Variants in RSPH4A observed in about 807,000 individuals in gnomAD.
RSPH4A encodes the protein radial spoke head protein 4 homolog A.
A neutral mutation model predicts 71.0 loss-of-function variants in RSPH4A; 47 were observed. The ratio of observed to expected loss-of-function variants is 0.66; its 90% CI spans 0.52 to 0.84. The LOEUF is 0.84. RSPH4A is among the 40% of genes least tolerant of loss of function. The pLI is 0.00. For synonymous variants in RSPH4A, 282 were observed against 302.3 expected (o/e 0.93, Z 0.70); for missense variants, 793 against 855.2 (o/e 0.93, Z 0.91).
chr6:116,618,181 C>T (rs1389836683), intron 1 of RSPH4A, among the ~76,000 whole-genome samples: 1 of 152,196 alleles, frequency 6.6e-6, no homozygotes, highest in East Asian at 1.9e-4. Flanking sequence ...ATGGCTGTTC[C>T]CTCTGCCCAG....
rs1775776905 is a variant in RSPH4A, at chr6:116,630,485, C to G, written c.1849C>G (p.Pro617Ala). The G allele has an allele frequency of 1.2e-6, 2 of 1,611,910 alleles. No homozygotes were observed. Among genetic ancestry groups the G allele is most frequent in the Non-Finnish European group, 1.7e-6 (2 of 1,178,102 alleles). ...AACACGGTTATCCTCAAATCTCATTCCACAATATGCTATTGCAGTCCTTCA... is the reference window on the plus strand; with the variant it reads ...AACACGGTTATCCTCAAATCTCATTGCACAATATGCTATTGCAGTCCTTCA... ...WTTRLSSNLIPQYAIAVLQSN... is the reference protein window; with the variant it reads ...WTTRLSSNLIAQYAIAVLQSN... The change falls in exon 5 of 6, where the codon CCA becomes GCA. Residue 617 changes from proline (P) to alanine (A), a missense_variant. Physicochemically the swap from Pro to Ala is conservative, Grantham distance 27. Coordinates refer to ENST00000229554, the MANE Select transcript of RSPH4A (RefSeq NM_001010892.3).
intron 1 of RSPH4A, among the ~76,000 whole-genome samples, chr6:116,619,781 C>T (rs1350818176): frequency 3.9e-5 from 6 of 152,086 alleles, no homozygotes; most frequent in African/African-American, 1.4e-4. Flanking sequence ...TTCAGTAGCA[C>T]GATCTCGGCT....
Position 116,616,523 on chromosome 6 carries a change from A to T in RSPH4A, c.-101A>T, listed in dbSNP as rs1477510319. ...ACTCACAGAGCAACCAGGACCCAGAAATCGCTTAAGAGACCGCGGCAAAGT... is the reference window on the plus strand; with the variant it reads ...ACTCACAGAGCAACCAGGACCCAGATATCGCTTAAGAGACCGCGGCAAAGT... On this transcript the variant is annotated 5_prime_UTR_variant, in exon 1 of 6. Transcript: ENST00000229554. 1.3e-5 allele frequency: 13 copies of T among 1,034,628 alleles called. No individual in the cohort carries two copies. Among genetic ancestry groups the T allele is most frequent in the Non-Finnish European group, 1.9e-5 (13 of 679,768 alleles). The allele number at this position is 1,034,628 out of a possible 1,614,324, so 64.1% of individuals were successfully genotyped here.
In RSPH4A at chr6:116,632,880, G is replaced by T. The variant is rs1775830306; in HGVS notation, c.*439G>T. 5.0e-6 allele frequency: 1 copy of T among 198,936 alleles called. No individual in the cohort carries two copies. Among genetic ancestry groups the T allele is most frequent in the African/African-American group, 2.4e-5 (1 of 42,250 alleles). The allele number at this position is 198,936 out of a possible 1,614,324, so 12.3% of individuals were successfully genotyped here. The stretch of plus-strand genomic sequence containing the variant: ...GAAACATCAATACTTTTTAAAGAGT[G>T]TCAAGGGGTATGAAGACAAAAAATA... On this transcript the variant is annotated 3_prime_UTR_variant, in exon 6 of 6. Coordinates refer to ENST00000229554, the MANE Select transcript of RSPH4A (RefSeq NM_001010892.3).
Position 116,627,694 on chromosome 6 carries a change from G to A in RSPH4A, c.987G>A (p.Leu329=). Reference sequence around the variant, plus strand: ...ATTTTGAACAAGCTGGAGTTGGTTTGGGCACAGATGAGACATACCGCATAT... The same window carrying A: ...ATTTTGAACAAGCTGGAGTTGGTTTAGGCACAGATGAGACATACCGCATAT... The part of the protein sequence containing the change: ...AFYFEQAGVG[L]GTDETYRIFL... The change falls in exon 3 of 6, where the codon TTG becomes TTA. Residue 329 remains leucine (L), a synonymous_variant. Coordinates refer to ENST00000229554, the MANE Select transcript of RSPH4A (RefSeq NM_001010892.3). 1 of 1,614,176 alleles carries A rather than the reference G, an allele frequency of 6.2e-7. No homozygotes were observed. The highest frequency in any genetic ancestry group is 8.5e-7 in the Non-Finnish European group (1 of 1,180,026).
At position 116,630,406 on chromosome 6, in the gene RSPH4A, A is replaced by C. The variant is rs771208573; in HGVS notation, c.1799-29A>C. 9.4e-6 allele frequency: 11 copies of C among 1,167,782 alleles called. No individual in the cohort carries two copies. The Admixed American group carries it at 1.7e-4, about 18-fold the overall frequency. 72.3% of individuals were successfully genotyped at this position (1,167,782 alleles called of 1,614,324 possible). A position where few individuals can be genotyped will look rare whatever the true frequency, so the allele number is the denominator to read the frequency against. On this transcript the variant is annotated intron_variant, in intron 4 of 5. Transcript: ENST00000229554. ...GTAGATTCTTGTCTAGTTAGGAATTAAGCTTTTGCATTTCTCTTTGGGTTC... is the reference window on the plus strand; with the variant it reads ...GTAGATTCTTGTCTAGTTAGGAATTCAGCTTTTGCATTTCTCTTTGGGTTC...
chr6:116,625,330 A>G (rs1775677197), intron 2 of RSPH4A, among the ~76,000 whole-genome samples: 2 of 152,216 alleles, frequency 1.3e-5, no homozygotes, highest in East Asian at 3.8e-4. Flanking sequence ...AGAAAAAGGA[A>G]CAATAAAATA....
chr6:116,623,982 GCTATT>G (rs1391613010), intron 2 of RSPH4A, among the ~76,000 whole-genome samples: 2 of 152,064 alleles, frequency 1.3e-5, no homozygotes. Flanking sequence ...AATAGTATTG[GCTATT>G]CTGTTTCCTA....
At chr6:116,623,369 AGCTACT>A (rs570275307) in intron 2 of RSPH4A, among the ~76,000 whole-genome samples, 175 of 152,294 alleles carry the variant, frequency 1.1e-3, no homozygotes, top group African/African-American at 4.1e-3. Context: ...TACAGGCGTG[AGCTACT>A]GCACCTGGCC....
In RSPH4A at chr6:116,623,061, C is replaced by T. The variant is rs1489898411; in HGVS notation, c.921+59C>T. 4 of 1,060,720 alleles carry T rather than the reference C, an allele frequency of 3.8e-6. No individual in the cohort carries two copies. In the African/African-American group the frequency reaches 4.7e-5, roughly 13 times the overall value. 65.7% of individuals were successfully genotyped at this position (1,060,720 alleles called of 1,614,324 possible). Reference sequence around the variant, plus strand: ...TTAGGATTTTATTTGGGACGAATGGCTGTGGCTTTAAATTCATACCAACTG... The same window carrying T: ...TTAGGATTTTATTTGGGACGAATGGTTGTGGCTTTAAATTCATACCAACTG... On this transcript the variant is annotated intron_variant, in intron 2 of 5. Transcript: ENST00000229554.
chr6:116,632,036 C>G (rs1452283716), intron 5 of RSPH4A, among the ~76,000 whole-genome samples, 171 bp from the exon 6 acceptor site: 1 of 151,674 alleles, frequency 6.6e-6, no homozygotes, highest in Non-Finnish European at 1.5e-5. Context: ...GAAAACAATT[C>G]CCTGTGGTAG....
chr6:116,628,026 C>A lies in RSPH4A; in HGVS notation c.1319C>A (p.Pro440Gln), dbSNP rs759474274. The change falls in exon 3 of 6, where the codon CCA becomes CAA. Residue 440 changes from proline (P) to glutamine (Q), a missense_variant. Coordinates refer to ENST00000229554, the MANE Select transcript of RSPH4A (RefSeq NM_001010892.3). Reference sequence around the variant, plus strand: ...TTTGTTTGCAATGAACCAGGAAGACCATGGGTGAAGTTACCACCAGTTATA... The same window carrying A: ...TTTGTTTGCAATGAACCAGGAAGACAATGGGTGAAGTTACCACCAGTTATA... ...VYFVCNEPGR[P>Q]WVKLPPVIPA... is the part of the protein sequence containing the mutation. 7.4e-6 allele frequency: 12 copies of A among 1,614,026 alleles called. No homozygotes were observed. The highest frequency in any genetic ancestry group is 4.2e-6 in the Non-Finnish European group (5 of 1,180,016).
Position 116,627,618 on chromosome 6 carries a change from T to G in RSPH4A, c.922-11T>G, listed in dbSNP as rs758250404. 34 of 1,605,572 alleles carry G rather than the reference T, an allele frequency of 2.1e-5. No individual in the cohort carries two copies. Among genetic ancestry groups the G allele is most frequent in the Non-Finnish European group, 2.9e-5 (34 of 1,172,316 alleles). The stretch of plus-strand genomic sequence containing the variant: ...ATTGATAAATTTTAACCACAGCATT[T>G]GTTTCCCCAGGCAGAAAACGCTCTT... On this transcript the variant is annotated splice_polypyrimidine_tract_variant and intron_variant, in intron 2 of 5. Coordinates refer to ENST00000229554, the MANE Select transcript of RSPH4A (RefSeq NM_001010892.3).
At position 116,628,423 on chromosome 6, in the gene RSPH4A, A is replaced by G. The variant is rs910181959; in HGVS notation, c.1662+54A>G. On this transcript the variant is annotated intron_variant, in intron 3 of 5. Transcript: ENST00000229554. ...AGGTAATTAGGCAAATATTCATTAA[A>G]TGGTCACTATAATGCACAAAGACAT... 136 of 1,360,092 alleles carry G rather than the reference A, an allele frequency of 1.0e-4. 2 individuals carry two copies. In the Middle Eastern group the frequency reaches 2.0e-3, roughly 20 times the overall value. The allele number at this position is 1,360,092 out of a possible 1,614,324, so 84.3% of individuals were successfully genotyped here. A position where few individuals can be genotyped will look rare whatever the true frequency, so the allele number is the denominator to read the frequency against.
At chr6:116,623,981 G>A (rs1284438365) in intron 2 of RSPH4A, among the ~76,000 whole-genome samples, 2 of 152,054 alleles carry the variant, frequency 1.3e-5, no homozygotes, top group Non-Finnish European at 2.9e-5. Context: ...AAATAGTATT[G>A]GCTATTCTGT....
At chr6:116,630,667 G>GTTTTTTT (rs11459167) in intron 5 of RSPH4A, 115 bp downstream of exon 5, 56 of 251,584 alleles carry the variant, frequency 2.2e-4, no homozygotes, top group African/African-American at 7.3e-4. Flanking sequence ...TTTTTTTCGT[G>GTTTTTTT]TTTTTTTTTT....
chr6:116,631,067 A>C (rs564479810), intron 5 of RSPH4A, among the ~76,000 whole-genome samples: 1 of 152,138 alleles, frequency 6.6e-6, no homozygotes, highest in African/African-American at 2.4e-5. Flanking sequence ...TCTGTGATAC[A>C]CAATAAAACA....
At position 116,628,203 on chromosome 6, in the gene RSPH4A, C is replaced by T; in HGVS notation, c.1496C>T (p.Pro499Leu). Residue 499 changes from proline (P) to leucine (L), a missense_variant, in exon 3 of 6, where the codon CCT becomes CTT. Pro to Leu is a moderately conservative substitution (Grantham distance 98, BLOSUM62 -3). Transcript: ENST00000229554. The part of the protein sequence containing the change: ...ARISAGTHVS[P>L]LGFYQFGEEE... ...ATTTCAGCAGGAACCCACGTCAGTCCTCTAGGATTTTATCAGTTTGGTGAA... is the reference window on the plus strand; with the variant it reads ...ATTTCAGCAGGAACCCACGTCAGTCTTCTAGGATTTTATCAGTTTGGTGAA... 6.2e-7 allele frequency: 1 copy of T among 1,614,008 alleles called. No individual in the cohort carries two copies. The highest frequency in any genetic ancestry group is 1.6e-4 in the Middle Eastern group (1 of 6,062).
intron 3 of RSPH4A, 74 bp from the exon 4 acceptor site, chr6:116,629,493 G>A: frequency 1.4e-6 from 2 of 1,413,464 alleles, no homozygotes; most frequent in African/African-American, 1.4e-5. Context: ...ACTTCATCCT[G>A]ATCAATTCAA....
Sources: gnomAD v4.1 joint callset for allele counts (sites outside exome capture counted in the v4.1 genomes callset) on GRCh38, gnomAD v4.1.1 for gene constraint, MANE v1.5 for transcripts, NCBI Gene and HGNC (gene_info 2026-07-23, HGNC 2026-07-21) for gene names.